Variants in PARD3B observed in about 807,000 individuals in gnomAD.
PARD3B encodes par-3 family cell polarity regulator beta, also known as partitioning defective 3 homolog B.
In PARD3B, 103 loss-of-function variants were observed where a neutral mutation model predicts 130.2. The ratio of observed to expected loss-of-function variants is 0.79; its 90% CI spans 0.67 to 0.93. The LOEUF is 0.93. Among genes scored for constraint, PARD3B ranks in the 40% least tolerant of loss-of-function variants. The probability of loss-of-function intolerance (pLI) is 0.00; values close to 1 mark genes in which losing one functional copy is unlikely to be tolerated. For synonymous variants in PARD3B, 583 were observed against 553.2 expected (o/e 1.05, Z -0.76); for missense variants, 1,609 against 1,499.2 (o/e 1.07, Z -1.21).
At chr2:204,695,033 G>A (rs753333788) in intron 2 of PARD3B, among the ~76,000 whole-genome samples, 7 of 151,960 alleles carry the variant, frequency 4.6e-5, no homozygotes, top group Non-Finnish European at 1.0e-4. Context: ...TTTAAGTTTG[G>A]TTGGAGGGAA....
chr2:205,040,197 C>T (rs1227138489), intron 3 of PARD3B, among the ~76,000 whole-genome samples: 3 of 152,148 alleles, frequency 2.0e-5, no homozygotes, highest in Admixed American at 6.5e-5. Context: ...CTCCTGACCT[C>T]GTGATCCACC....
Position 205,156,441 on chromosome 2 carries a change from G to A in PARD3B, c.1435-2281G>A, listed in dbSNP as rs370306641. On this transcript the variant is annotated intron_variant, in intron 10 of 22. Transcript: ENST00000406610. ...AATAAAATTTAAAAAAAAAGAAAATGTGTCACCTTAAAATTGTATACTTTT... is the reference window on the plus strand; with the variant it reads ...AATAAAATTTAAAAAAAAAGAAAATATGTCACCTTAAAATTGTATACTTTT... 2.2e-4 allele frequency among the ~76,000 whole-genome samples: 33 copies of A among 151,354 alleles called. 1 individual carries two copies. The East Asian group carries it at 4.3e-3, about 20-fold the overall frequency.
chr2:204,970,999 G>T (rs566770346), intron 3 of PARD3B, among the ~76,000 whole-genome samples: 2 of 152,248 alleles, frequency 1.3e-5, no homozygotes, highest in African/African-American at 2.4e-5. Context: ...TTATGTGTTT[G>T]TTATAATATC....
intron 20 of PARD3B, among the ~76,000 whole-genome samples, chr2:205,466,339 T>G (rs568961963): frequency 5.3e-5 from 8 of 152,334 alleles, no homozygotes; most frequent in Admixed American, 2.0e-4. Context: ...GTCAGAATAT[T>G]GTTGGTGCTG....
At chr2:205,275,956 T>C (rs181778257) in intron 16 of PARD3B, among the ~76,000 whole-genome samples, 1 of 152,114 alleles carries the variant, frequency 6.6e-6, no homozygotes, top group East Asian at 1.9e-4. Context: ...TACAGGTTTC[T>C]CTTAATGGTT....
chr2:205,094,490 G>C (rs894539034), intron 4 of PARD3B, among the ~76,000 whole-genome samples: 2 of 152,078 alleles, frequency 1.3e-5, no homozygotes, highest in Non-Finnish European at 2.9e-5. Flanking sequence ...CTTTAACACA[G>C]TTTTGGCTTC....
intron 3 of PARD3B, among the ~76,000 whole-genome samples, chr2:205,014,749 C>G (rs907614329): frequency 4.6e-5 from 7 of 152,142 alleles, no homozygotes; most frequent in African/African-American, 1.7e-4. Flanking sequence ...GAATTGAACA[C>G]ACATGTAACT....
chr2:205,404,707 C>T (rs970394617), intron 19 of PARD3B, among the ~76,000 whole-genome samples: 1 of 151,990 alleles, frequency 6.6e-6, no homozygotes, highest in Non-Finnish European at 1.5e-5. Flanking sequence ...GAGACAAGGT[C>T]TCGCGCTACG....
chr2:204,946,989 A>C (rs1231590672), intron 2 of PARD3B, among the ~76,000 whole-genome samples: 1 of 152,186 alleles, frequency 6.6e-6, no homozygotes, highest in East Asian at 1.9e-4. Context: ...ATTTCTAGTC[A>C]GGCCTTCAGT....
intron 15 of PARD3B, among the ~76,000 whole-genome samples, chr2:205,226,172 G>C (rs916737106): frequency 6.6e-6 from 1 of 152,134 alleles, no homozygotes; most frequent in Non-Finnish European, 1.5e-5. Context: ...CTCCCGAGTA[G>C]CTGGGACTAC....
intron 2 of PARD3B, among the ~76,000 whole-genome samples, chr2:204,763,964 T>A (rs77671675): frequency 0.022 from 3,329 of 152,306 alleles, 124 homozygotes; most frequent in African/African-American, 0.076. Context: ...TTTACTTTTT[T>A]GAGACCAAGT....
chr2:205,087,353 G>A (rs1294973897), intron 4 of PARD3B, among the ~76,000 whole-genome samples: 1 of 152,086 alleles, frequency 6.6e-6, no homozygotes, highest in Non-Finnish European at 1.5e-5. Flanking sequence ...CCATAAATTA[G>A]CTGCTTCACT....
At chr2:204,658,087 T>C (rs1399988362) in intron 1 of PARD3B, among the ~76,000 whole-genome samples, 1 of 152,182 alleles carries the variant, frequency 6.6e-6, no homozygotes, top group Non-Finnish European at 1.5e-5. Flanking sequence ...AAGGCTCTAC[T>C]ATGGCAGATA....
At chr2:205,137,801 G>A (rs1224246774) in intron 10 of PARD3B, among the ~76,000 whole-genome samples, 1 of 152,170 alleles carries the variant, frequency 6.6e-6, no homozygotes, top group African/African-American at 2.4e-5. Flanking sequence ...CCCTCCAAAA[G>A]GCTAGTTCAG....
intron 20 of PARD3B, among the ~76,000 whole-genome samples, chr2:205,443,176 A>T (rs78318364): frequency 0.023 from 3,574 of 152,220 alleles, 122 homozygotes; most frequent in African/African-American, 0.075. Flanking sequence ...TTCAATGAAA[A>T]TCTGAACTTC....
intron 1 of PARD3B, among the ~76,000 whole-genome samples, chr2:204,651,103 C>T (rs2035461359): frequency 6.6e-6 from 1 of 152,136 alleles, no homozygotes; most frequent in Non-Finnish European, 1.5e-5. Flanking sequence ...GCCGCTGACC[C>T]CTGCCAAATC....
intron 2 of PARD3B, among the ~76,000 whole-genome samples, chr2:204,779,083 A>G (rs969782069): frequency 7.2e-5 from 11 of 152,134 alleles, no homozygotes; most frequent in Admixed American, 1.3e-4. Flanking sequence ...CTGCACTTCT[A>G]TTACCTGCTG....
intron 18 of PARD3B, among the ~76,000 whole-genome samples, chr2:205,376,663 A>T (rs961684327): frequency 6.6e-6 from 1 of 152,172 alleles, no homozygotes; most frequent in Non-Finnish European, 1.5e-5. Flanking sequence ...ATGCAGTTTG[A>T]TAGCAGCATA....
At chr2:204,802,862 A>G (rs2042621107) in intron 2 of PARD3B, among the ~76,000 whole-genome samples, 1 of 152,046 alleles carries the variant, frequency 6.6e-6, no homozygotes. Context: ...TAGGGGAGGG[A>G]TAGCATTAGG....
Sources: gnomAD v4.1 joint callset for allele counts (sites outside exome capture counted in the v4.1 genomes callset) on GRCh38, gnomAD v4.1.1 for gene constraint, MANE v1.5 for transcripts, NCBI Gene and HGNC (gene_info 2026-07-23, HGNC 2026-07-21) for gene names.